SEPTIN9: variants seen among roughly 807,000 people sequenced by gnomAD.
The protein encoded by SEPTIN9 is septin 9, also known as septin-9.
SEPTIN9 carries 13 observed loss-of-function variants against 56.6 expected under a neutral mutation model. The observed-to-expected ratio is 0.23, with a 90% CI of 0.15 to 0.37. SEPTIN9 has a LOEUF of 0.37. Among genes scored for constraint, SEPTIN9 ranks in the 10% least tolerant of loss-of-function variants. The pLI is 1.00. For missense variants in SEPTIN9, 650 were observed against 823.1 expected (o/e 0.79, Z 2.57); for synonymous variants, 332 against 334.1 (o/e 0.99, Z 0.07).
intron 3 of SEPTIN9, among the ~76,000 whole-genome samples, chr17:77,457,198 C>G (rs958288624): frequency 6.6e-6 from 1 of 152,296 alleles, no homozygotes; most frequent in African/African-American, 2.4e-5. Flanking sequence ...ACAGGGTCAC[C>G]TGCTTGCATC....
At position 77,313,094 on chromosome 17, in the gene SEPTIN9, G is replaced by A. The variant is rs984058725; in HGVS notation, c.76+5897G>A. Among the ~76,000 whole-genome samples, 6 of 152,176 alleles carry A rather than the reference G, an allele frequency of 3.9e-5. No individual in the cohort carries two copies. The highest frequency in any genetic ancestry group is 6.5e-5 in the Admixed American group (1 of 15,284). On this transcript the variant is annotated intron_variant, in intron 2 of 11. Coordinates refer to ENST00000427177, the MANE Select transcript of SEPTIN9 (RefSeq NM_001113491.2). The surrounding 1 kb of genome is among the most constrained non-coding windows in gnomAD (Gnocchi z 4.5). ...TGAGCAAGCAGGATGAAAGACACCC[G>A]CTCTCGGGGGAGTCTTCCGTTGGCT...
rs1247476951 is a variant in SEPTIN9, at chr17:77,318,597, C to T, written c.76+11400C>T. On this transcript the variant is annotated intron_variant, in intron 2 of 11. Transcript: ENST00000427177. The surrounding 1 kb of genome is among the most constrained non-coding windows in gnomAD (Gnocchi z 4.9). Reference sequence around the variant, plus strand: ...TGTCCCCACCTCCCTCACTGTCTGGCTGCCTGTGGGGCTGTCCTCCAGGCT... The same window carrying T: ...TGTCCCCACCTCCCTCACTGTCTGGTTGCCTGTGGGGCTGTCCTCCAGGCT... 6.6e-6 allele frequency among the ~76,000 whole-genome samples: 1 copy of T among 152,162 alleles called. No individual in the cohort carries two copies. Among genetic ancestry groups the T allele is most frequent in the African/African-American group, 2.4e-5 (1 of 41,428 alleles).
chr17:77,295,366 G>C (rs1486707375), intron 1 of SEPTIN9, among the ~76,000 whole-genome samples: 1 of 152,104 alleles, frequency 6.6e-6, no homozygotes, highest in Non-Finnish European at 1.5e-5. Context: ...CCAGAGTCCA[G>C]GGGCCAGAGT....
chr17:77,291,371 G>T (rs931481468), intron 1 of SEPTIN9, among the ~76,000 whole-genome samples: 1 of 151,418 alleles, frequency 6.6e-6, no homozygotes, highest in Non-Finnish European at 1.5e-5. Flanking sequence ...GTAGCAGCCG[G>T]GCGCGGTGGC....
At chr17:77,306,829 G>A (rs2032284848) in intron 1 of SEPTIN9, among the ~76,000 whole-genome samples, 1 of 152,240 alleles carries the variant, frequency 6.6e-6, no homozygotes, top group Non-Finnish European at 1.5e-5. Flanking sequence ...TTCACTGTGT[G>A]GCCACAGGGA....
chr17:77,409,717 C>A (rs1366774105), intron 3 of SEPTIN9, among the ~76,000 whole-genome samples: 1 of 152,194 alleles, frequency 6.6e-6, no homozygotes, highest in Non-Finnish European at 1.5e-5. Context: ...CCGCCGCCTC[C>A]CAGGCCCGGG....
intron 2 of SEPTIN9, among the ~76,000 whole-genome samples, chr17:77,339,959 G>A (rs1420200051): frequency 6.6e-6 from 1 of 151,784 alleles, no homozygotes; most frequent in Non-Finnish European, 1.5e-5. Context: ...CTGAGTAGCT[G>A]GGACTGCAGG....
chr17:77,437,385 A>C lies in SEPTIN9; in HGVS notation c.721+34682A>C, dbSNP rs2037380507. 6.6e-6 allele frequency among the ~76,000 whole-genome samples: 1 copy of C among 152,100 alleles called. No homozygotes were observed. Among genetic ancestry groups the C allele is most frequent in the Non-Finnish European group, 1.5e-5 (1 of 68,016 alleles). On this transcript the variant is annotated intron_variant, in intron 3 of 11. Coordinates refer to ENST00000427177, the MANE Select transcript of SEPTIN9 (RefSeq NM_001113491.2). The surrounding 1 kb of genome is among the most constrained non-coding windows in gnomAD (Gnocchi z 5.3). ...AGGAGCTCCCTATGGGGAAGCCGGA[A>C]TGGACCTGGGCTCAGAGATTGTAAA...
intron 3 of SEPTIN9, among the ~76,000 whole-genome samples, chr17:77,463,102 T>C (rs189999373): frequency 2.0e-5 from 3 of 152,330 alleles, no homozygotes; most frequent in Admixed American, 6.5e-5. Context: ...GAGATGAGGC[T>C]GTTCCTTTCC....
chr17:77,296,722 G>A (rs992577130), intron 1 of SEPTIN9, among the ~76,000 whole-genome samples: 2 of 152,132 alleles, frequency 1.3e-5, no homozygotes, highest in Non-Finnish European at 2.9e-5. Flanking sequence ...GCGTGGTGGT[G>A]CATGTCTGTA....
Position 77,466,329 on chromosome 17 carries a change from G to A in SEPTIN9, c.722-15815G>A, listed in dbSNP as rs547689622. ...CAGCCTCAGGAAAGTGGTCAGGCCCGGGCCAGGCCCCTTCCCCCTCCCAGC... is the reference window on the plus strand; with the variant it reads ...CAGCCTCAGGAAAGTGGTCAGGCCCAGGCCAGGCCCCTTCCCCCTCCCAGC... On this transcript the variant is annotated intron_variant, in intron 3 of 11. Transcript: ENST00000427177. 207 of 953,274 alleles carry A rather than the reference G, an allele frequency of 2.2e-4. No homozygotes were observed. In the African/African-American group the frequency reaches 3.1e-3, roughly 14 times the overall value. The allele number at this position is 953,274 out of a possible 1,614,324, so 59.1% of individuals were successfully genotyped here.
Position 77,427,486 on chromosome 17 carries a change from G to A in SEPTIN9, c.721+24783G>A, listed in dbSNP as rs116369738. Reference sequence around the variant, plus strand: ...GGAGATGCCCCACCTCACTTCCCCCGTCCTCCGGGCTCTGGCAATGGGCTG... The same window carrying A: ...GGAGATGCCCCACCTCACTTCCCCCATCCTCCGGGCTCTGGCAATGGGCTG... On this transcript the variant is annotated intron_variant, in intron 3 of 11. Transcript: ENST00000427177. 9.1e-3 allele frequency among the ~76,000 whole-genome samples: 1,392 copies of A among 152,276 alleles called. 30 individuals are homozygous for A. The highest frequency in any genetic ancestry group is 0.032 in the African/African-American group (1,320 of 41,544).
intron 2 of SEPTIN9, 145 bp downstream of exon 2, chr17:77,307,342 CTT>C: frequency 1.3e-6 from 1 of 772,600 alleles, no homozygotes; most frequent in Non-Finnish European, 2.2e-6. Flanking sequence ...GAGACGCAGT[CTT>C]TGACGGCTTT....
At chr17:77,354,012 C>T (rs941863062) in intron 2 of SEPTIN9, among the ~76,000 whole-genome samples, 3 of 152,164 alleles carry the variant, frequency 2.0e-5, no homozygotes, top group Admixed American at 1.3e-4. Context: ...AACAAGGCTC[C>T]AGCCTCGGCA....
At chr17:77,305,939 G>A (rs933450511) in intron 1 of SEPTIN9, among the ~76,000 whole-genome samples, 19 of 135,532 alleles carry the variant, frequency 1.4e-4, no homozygotes, top group Non-Finnish European at 3.0e-4. Flanking sequence ...TGGATGGATG[G>A]ATGATGGGTG....
chr17:77,363,133 C>T (rs2034467458), intron 2 of SEPTIN9, among the ~76,000 whole-genome samples: 1 of 152,166 alleles, frequency 6.6e-6, no homozygotes, highest in South Asian at 2.1e-4. Context: ...GGACGGTGGG[C>T]AGGGAAGTGA....
intron 1 of SEPTIN9, among the ~76,000 whole-genome samples, chr17:77,284,683 G>T (rs1385078681): frequency 6.6e-6 from 1 of 152,176 alleles, no homozygotes; most frequent in Non-Finnish European, 1.5e-5. Context: ...AGGCTGGAGT[G>T]CAATGGCATG....
At chr17:77,390,676 C>T (rs1472726734) in intron 2 of SEPTIN9, among the ~76,000 whole-genome samples, 2 of 152,056 alleles carry the variant, frequency 1.3e-5, no homozygotes, top group Non-Finnish European at 1.5e-5. Context: ...TGGTCTCGAT[C>T]TCCTGACCTC....
Position 77,421,073 on chromosome 17 carries a change from G to C in SEPTIN9, c.721+18370G>C, listed in dbSNP as rs1039131510. ...GTGCAGTGGTCGGGGTAGGGGTGGAGCTCTGCCGTCGCTGACTCCCGGGCT... is the reference window on the plus strand; with the variant it reads ...GTGCAGTGGTCGGGGTAGGGGTGGACCTCTGCCGTCGCTGACTCCCGGGCT... On this transcript the variant is annotated intron_variant, in intron 3 of 11. Transcript: ENST00000427177. The surrounding 1 kb of genome is among the most constrained non-coding windows in gnomAD (Gnocchi z 4.6). Among the ~76,000 whole-genome samples the C allele has an allele frequency of 6.6e-6, 1 of 152,212 alleles. No individual in the cohort carries two copies. The highest frequency in any genetic ancestry group is 2.4e-5 in the African/African-American group (1 of 41,464).
Sources: gnomAD v4.1 joint callset for allele counts (sites outside exome capture counted in the v4.1 genomes callset) on GRCh38, gnomAD v4.1.1 for gene constraint, Gnocchi (gnomAD v3.1) non-coding constraint, MANE v1.5 for transcripts, NCBI Gene and HGNC (gene_info 2026-07-23, HGNC 2026-07-21) for gene names.